PIEZO2: variants seen among roughly 807,000 people sequenced by gnomAD.
The protein encoded by PIEZO2 is piezo type mechanosensitive ion channel component 2.
A neutral mutation model predicts 337.3 loss-of-function variants in PIEZO2; 172 were observed. The ratio of observed to expected loss-of-function variants is 0.51; its 90% confidence interval spans 0.45 to 0.58. The LOEUF (loss-of-function observed/expected upper bound fraction) is 0.58, where lower values mean the gene tolerates loss of function less well. Among genes scored for constraint, PIEZO2 ranks in the 20% least tolerant of loss-of-function variants. PIEZO2 has a pLI of 0.00. For synonymous variants in PIEZO2, 1,251 were observed against 1,228.5 expected, an observed-to-expected ratio of 1.02 and a Z score of -0.38; for missense variants, 3,028 against 3,391.3, an observed-to-expected ratio of 0.89 and a Z score of 2.66.
chr18:10,966,469 T>C (rs1477414060), intron 3 of PIEZO2, among the ~76,000 whole-genome samples: 1 of 152,248 alleles, frequency 6.6e-6, no homozygotes, highest in Non-Finnish European at 1.5e-5. Flanking sequence ...CACAAATCTT[T>C]ACATTTATCT....
chr18:11,056,103 C>T (rs1319182202), intron 2 of PIEZO2, among the ~76,000 whole-genome samples: 3 of 152,158 alleles, frequency 2.0e-5, no homozygotes, highest in South Asian at 2.1e-4. Flanking sequence ...TTGTCATGCT[C>T]TTGCAGTGGG....
At chr18:11,060,137 C>T (rs1033115737) in intron 2 of PIEZO2, among the ~76,000 whole-genome samples, 2 of 152,164 alleles carry the variant, frequency 1.3e-5, no homozygotes, top group Admixed American at 1.3e-4. Flanking sequence ...GGAAACTGAA[C>T]AACCTGCTCC....
chr18:10,912,280 T>C (rs2030550427), intron 3 of PIEZO2, among the ~76,000 whole-genome samples: 1 of 152,188 alleles, frequency 6.6e-6, no homozygotes, highest in Admixed American at 6.5e-5. Context: ...AAAAACCTTT[T>C]TAATAAAAAT....
At chr18:10,937,196 A>G (rs1199124557) in intron 3 of PIEZO2, among the ~76,000 whole-genome samples, 1 of 152,222 alleles carries the variant, frequency 6.6e-6, no homozygotes, top group Non-Finnish European at 1.5e-5. Flanking sequence ...CATTAATGCT[A>G]GGAACTACTA....
intron 43 of PIEZO2, among the ~76,000 whole-genome samples, chr18:10,701,118 A>T (rs944718703): frequency 6.6e-6 from 1 of 152,272 alleles, no homozygotes. Flanking sequence ...AAAGGATTCT[A>T]GGGACTAAGA....
intron 1 of PIEZO2, among the ~76,000 whole-genome samples, chr18:11,072,145 A>C (rs1367817613): frequency 1.3e-5 from 2 of 152,132 alleles, no homozygotes; most frequent in Non-Finnish European, 2.9e-5. Context: ...ATGTACTTCT[A>C]CGTCAGTGGG....
chr18:11,041,644 T>C (rs989268414), intron 2 of PIEZO2, among the ~76,000 whole-genome samples: 3 of 152,262 alleles, frequency 2.0e-5, no homozygotes, highest in Non-Finnish European at 4.4e-5. Context: ...CATTTTTTCA[T>C]CATTTTTCTA....
rs1190668374 is a variant in PIEZO2 at position 11,125,311 on chromosome 18, A to G, written c.64+23214T>C. On this transcript the variant is annotated intron_variant, in intron 1 of 55. Coordinates refer to ENST00000674853, the MANE Select transcript of PIEZO2 (RefSeq NM_001378183.1). The surrounding 1 kb of genome is among the most constrained non-coding windows in gnomAD (Gnocchi z 4.4). ...TGTTTTAAAAACTACGATGTGTCCG[A>G]CAAAAGACAGTGCTGTTAAGTCATC... Among the ~76,000 whole-genome samples, 1 of 152,234 alleles carries G rather than the reference A, an allele frequency of 6.6e-6. No homozygotes were observed. Among genetic ancestry groups the G allele is most frequent in the Admixed American group, 6.5e-5 (1 of 15,282 alleles).
chr18:11,142,712 T>A (rs576474795), intron 1 of PIEZO2, among the ~76,000 whole-genome samples: 1 of 132,752 alleles, frequency 7.5e-6, no homozygotes, highest in Admixed American at 8.5e-5. Flanking sequence ...ACCCCAGAGG[T>A]GGAGGTTGCA....
chr18:11,025,622 C>T (rs2036513316), intron 2 of PIEZO2, among the ~76,000 whole-genome samples: 1 of 152,112 alleles, frequency 6.6e-6, no homozygotes, highest in Non-Finnish European at 1.5e-5. Flanking sequence ...TGCTTTGTGC[C>T]TTTCTGGAAT....
In PIEZO2 at chr18:10,677,167, A is replaced by C. The variant is rs2034047221; in HGVS notation, c.8081+580T>G. Among the ~76,000 whole-genome samples, 1 of 152,126 alleles carries C rather than the reference A, an allele frequency of 6.6e-6. No homozygotes were observed. Among genetic ancestry groups the C allele is most frequent in the Non-Finnish European group, 1.5e-5 (1 of 68,014 alleles). On this transcript the variant is annotated intron_variant, in intron 53 of 55. Coordinates refer to ENST00000674853, the MANE Select transcript of PIEZO2 (RefSeq NM_001378183.1). This position sits in a 1 kb window ranked among gnomAD's most constrained non-coding sequence, Gnocchi z 4.1. The stretch of plus-strand genomic sequence containing the variant: ...GGCCAGCACTTTCCATGCACTGATG[A>C]GCTCCCTGTAGCCTGGCACCATACA...
At chr18:11,093,272 A>T (rs1397088518) in intron 1 of PIEZO2, among the ~76,000 whole-genome samples, 1 of 152,208 alleles carries the variant, frequency 6.6e-6, no homozygotes, top group Non-Finnish European at 1.5e-5. Flanking sequence ...CCAGATCCCC[A>T]GCCAACACCC....
intron 5 of PIEZO2, 123 bp downstream of exon 5, chr18:10,871,130 T>G: frequency 1.9e-6 from 2 of 1,034,498 alleles, no homozygotes; most frequent in Non-Finnish European, 2.7e-6. Context: ...TAAACGTTTA[T>G]GTCAAGCACT....
intron 7 of PIEZO2, among the ~76,000 whole-genome samples, chr18:10,838,863 C>G (rs2041102344): frequency 6.6e-6 from 1 of 152,156 alleles, no homozygotes. Flanking sequence ...AGACGTAGCT[C>G]AACACGTAAG....
rs2039122677 is a variant in PIEZO2 at position 11,092,456 on chromosome 18, GT to G, written c.65-26235del. Among the ~76,000 whole-genome samples the G allele has an allele frequency of 6.6e-6, 1 of 152,182 alleles. No homozygotes were observed. The highest frequency in any genetic ancestry group is 1.5e-5 in the Non-Finnish European group (1 of 68,038). ...GCTATAGTAAGAAGACATAACAGCA[GT>G]AATTATCACTCCATAGTTTAGAAAC... On this transcript the variant is annotated intron_variant, in intron 1 of 55. Transcript: ENST00000674853. This position sits in a 1 kb window ranked among gnomAD's most constrained non-coding sequence, Gnocchi z 4.5.
Position 10,916,552 on chromosome 18 carries a change from G to A in PIEZO2, c.287-5324C>T, listed in dbSNP as rs554270667. On this transcript the variant is annotated intron_variant, in intron 3 of 55. Transcript: ENST00000674853. ...GTGCTAAGCCCCTCACTGCCAGGGC[G>A]TGCGGCACCAGCAGGCCGCTCTGAG... is the stretch of plus-strand genomic sequence containing the variant. 3.3e-4 allele frequency among the ~76,000 whole-genome samples: 50 copies of A among 152,296 alleles called. 1 individual carries two copies. The highest frequency in any genetic ancestry group is 3.4e-3 in the Middle Eastern group (1 of 294).
chr18:10,731,635 A>G (rs757527401), intron 35 of PIEZO2, 114 bp from the exon 36 acceptor site: 17 of 535,590 alleles, frequency 3.2e-5, no homozygotes, highest in Admixed American at 1.3e-4. Flanking sequence ...CAAACTAAAC[A>G]TCCCGGGCTA....
rs1390100119 is a variant in PIEZO2, at chr18:10,861,086, A to AGTGAT, written c.493-3880_493-3876dup. On this transcript the variant is annotated intron_variant, in intron 5 of 55. Coordinates refer to ENST00000674853, the MANE Select transcript of PIEZO2 (RefSeq NM_001378183.1). This position sits in a 1 kb window ranked among gnomAD's most constrained non-coding sequence, Gnocchi z 4.3. ...TTAACAGGCAGGCTTTTTCCCCCAA[A>AGTGAT]GTGATTCTTCTGCTGATGTATAAAC... is the stretch of plus-strand genomic sequence containing the variant. Among the ~76,000 whole-genome samples the AGTGAT allele has an allele frequency of 6.6e-6, 1 of 152,182 alleles. No individual in the cohort carries two copies. The highest frequency in any genetic ancestry group is 2.4e-5 in the African/African-American group (1 of 41,442).
rs375710781 is a variant in PIEZO2, at chr18:10,741,919, C to A, written c.4636+575G>T. Among the ~76,000 whole-genome samples, 6 of 151,804 alleles carry A rather than the reference C, an allele frequency of 4.0e-5. No homozygotes were observed. The East Asian group carries it at 1.2e-3, about 29-fold the overall frequency. On this transcript the variant is annotated intron_variant, in intron 32 of 55. Transcript: ENST00000674853. ...CTGTAATCCCAGCACTTTGGGAGGCCGAGGTGGGCGGATCACGAGGTCAGG... is the reference window on the plus strand; with the variant it reads ...CTGTAATCCCAGCACTTTGGGAGGCAGAGGTGGGCGGATCACGAGGTCAGG...
Sources: allele counts gnomAD v4.1 joint callset (sites outside exome capture counted in the v4.1 genomes callset), GRCh38; gene constraint gnomAD v4.1.1; non-coding constraint Gnocchi (gnomAD v3.1); transcripts MANE v1.5; gene names NCBI Gene and HGNC (gene_info 2026-07-23, HGNC 2026-07-21).